PIGZ: variants seen among roughly 807,000 people sequenced by gnomAD.
PIGZ encodes GPI alpha-1,2-mannosyltransferase 4.
A neutral mutation model predicts 16.4 loss-of-function variants in PIGZ; 16 were observed. The ratio of observed to expected loss-of-function variants is 0.97; its 90% CI spans 0.66 to 1.48. PIGZ has a LOEUF of 1.48. Among genes scored for constraint, PIGZ ranks in the 40% most tolerant of loss-of-function variants. PIGZ has a pLI of 0.00. For missense variants in PIGZ, 770 were observed against 739.2 expected, an observed-to-expected ratio of 1.04 and a Z score of -0.48; for synonymous variants, 409 against 338.4, an observed-to-expected ratio of 1.21 and a Z score of -2.29.
At chr3:196,948,880 C>G (rs1560180731) in intron 2 of PIGZ, among the ~76,000 whole-genome samples, 195 bp from the exon 3 acceptor site, 1 of 45,260 alleles carries the variant, frequency 2.2e-5, no homozygotes, top group Non-Finnish European at 4.0e-5. Flanking sequence ...TCCTTCCTTC[C>G]CTTCCTTCCC....
chr3:196,964,409 G>A (rs1425829434), intron 1 of PIGZ, among the ~76,000 whole-genome samples: 1 of 149,808 alleles, frequency 6.7e-6, no homozygotes, highest in African/African-American at 2.5e-5. Flanking sequence ...CCTAGGCTAG[G>A]TGCAGTGGCA....
chr3:196,952,701 C>T (rs545382391), intron 1 of PIGZ, among the ~76,000 whole-genome samples: 2 of 152,140 alleles, frequency 1.3e-5, no homozygotes, highest in Non-Finnish European at 2.9e-5. Context: ...CTCCCAAACT[C>T]CTGGGATTAC....
Position 196,947,463 on chromosome 3 carries a change from C to G in PIGZ, c.1434G>C (p.Leu478=). 1.2e-6 allele frequency: 2 copies of G among 1,613,656 alleles called. No individual in the cohort carries two copies. Among genetic ancestry groups the G allele is most frequent in the Non-Finnish European group, 1.7e-6 (2 of 1,179,988 alleles). ...PPRHLLHLPG[L]GAPVEVVDMG... ...TGTCCACCACCTCCACTGGTGCCCC[C>G]AGGCCTGGGAGGTGTAGGAGGTGCC... Residue 478 remains leucine, a synonymous_variant, in exon 3 of 3, where the codon CTG becomes CTC. Coordinates refer to ENST00000412723, the MANE Select transcript of PIGZ (RefSeq NM_025163.4).
chr3:196,964,094 A>T (rs997459726), intron 1 of PIGZ, among the ~76,000 whole-genome samples: 38 of 151,916 alleles, frequency 2.5e-4, no homozygotes, highest in Non-Finnish European at 4.1e-4. Context: ...TCTGTCGCCC[A>T]GGCTGGAGTG....
rs1717061188 is a variant in PIGZ at position 196,948,692 on chromosome 3, A to G, written c.212-7T>C. 6.9e-7 allele frequency: 1 copy of G among 1,444,566 alleles called. No individual in the cohort carries two copies. Among genetic ancestry groups the G allele is most frequent in the Admixed American group, 2.8e-5 (1 of 35,260 alleles). The allele number at this position is 1,444,566 out of a possible 1,614,324, so 89.5% of individuals were successfully genotyped here. On this transcript the variant is annotated splice_polypyrimidine_tract_variant and splice_region_variant and intron_variant, in intron 2 of 2. Transcript: ENST00000412723. Reference sequence around the variant, plus strand: ...TGAACGCCCAGGATGTCCTCTGCAGAGAGAGGCAGAGGTGAGCCAGTACCA... The same window carrying G: ...TGAACGCCCAGGATGTCCTCTGCAGGGAGAGGCAGAGGTGAGCCAGTACCA...
At chr3:196,950,745 T>C (rs1490615170) in intron 2 of PIGZ, among the ~76,000 whole-genome samples, 1 of 66,180 alleles carries the variant, frequency 1.5e-5, no homozygotes, top group Non-Finnish European at 2.9e-5. Context: ...TTCATTAGAC[T>C]TTTTTTTTTC....
chr3:196,963,740 T>G (rs1363303690), intron 1 of PIGZ, among the ~76,000 whole-genome samples: 2 of 152,220 alleles, frequency 1.3e-5, no homozygotes, highest in Non-Finnish European at 2.9e-5. Flanking sequence ...AGGCAGAGGA[T>G]CAGCTAGCTG....
chr3:196,964,137 A>G (rs1450935375), intron 1 of PIGZ, among the ~76,000 whole-genome samples: 4 of 151,336 alleles, frequency 2.6e-5, no homozygotes, highest in Admixed American at 2.6e-4. Flanking sequence ...TGCAAGCTCC[A>G]CCTCCCGGGT....
intron 1 of PIGZ, among the ~76,000 whole-genome samples, chr3:196,954,188 G>C (rs1300627678): frequency 6.6e-6 from 1 of 152,166 alleles, no homozygotes. Context: ...GGGTGGCTAA[G>C]GCATGAGAAT....
At position 196,948,017 on chromosome 3, in the gene PIGZ, C is replaced by T. The variant is rs570924159; in HGVS notation, c.880G>A (p.Val294Ile). ...ATSRNLVLTP[V>I]NFLHYNLNPQ... Reference sequence around the variant, plus strand: ...TTCAGGTTGTAGTGCAAGAAGTTGACAGGTGTCAGGACAAGGTTCCTGGAT... The same window carrying T: ...TTCAGGTTGTAGTGCAAGAAGTTGATAGGTGTCAGGACAAGGTTCCTGGAT... The change falls in exon 3 of 3, where the codon GTC becomes ATC. Residue 294 changes from valine to isoleucine, a missense_variant. Transcript: ENST00000412723. 2.5e-6 allele frequency: 4 copies of T among 1,595,012 alleles called. No homozygotes were observed. In the Middle Eastern group the frequency reaches 5.0e-4, roughly 200 times the overall value.
Position 196,948,309 on chromosome 3 carries a change from T to G in PIGZ, c.588A>C (p.Val196=). ...TWLLVLVSSH[V]TWGPTRKEPA... ...GCTCCTTGCGTGTAGGGCCCCACGT[T>G]ACATGGGAGGATACCAGCACCAGCA... is the stretch of plus-strand genomic sequence containing the variant. The change falls in exon 3 of 3, where the codon GTA becomes GTC. Residue 196 remains valine, a synonymous_variant. Transcript: ENST00000412723. 6.2e-7 allele frequency: 1 copy of G among 1,614,100 alleles called. No homozygotes were observed. Among genetic ancestry groups the G allele is most frequent in the Non-Finnish European group, 8.5e-7 (1 of 1,180,010 alleles).
At chr3:196,961,823 G>A (rs1437059007) in intron 1 of PIGZ, among the ~76,000 whole-genome samples, 1 of 152,156 alleles carries the variant, frequency 6.6e-6, no homozygotes, top group Non-Finnish European at 1.5e-5. Context: ...TAATTTTAAA[G>A]TGTACAATTC....
In PIGZ at chr3:196,965,511, T is replaced by G. The variant is rs769645242; in HGVS notation, c.-1+3176A>C. Among the ~76,000 whole-genome samples the G allele has an allele frequency of 6.6e-6, 1 of 152,204 alleles. No homozygotes were observed. The highest frequency in any genetic ancestry group is 1.5e-5 in the Non-Finnish European group (1 of 68,034). ...ACCATGTCATACCATTTGCCCAATT[T>G]AGTCCAGAATCCCACGGGCTATCTC... is the stretch of plus-strand genomic sequence containing the variant. On this transcript the variant is annotated intron_variant, in intron 1 of 2. Coordinates refer to ENST00000412723, the MANE Select transcript of PIGZ (RefSeq NM_025163.4). The surrounding 1 kb of genome is among the most constrained non-coding windows in gnomAD (Gnocchi z 4.2).
At chr3:196,956,947 G>T (rs770782348) in intron 1 of PIGZ, among the ~76,000 whole-genome samples, 1 of 152,114 alleles carries the variant, frequency 6.6e-6, no homozygotes, top group Non-Finnish European at 1.5e-5. Flanking sequence ...TCTTGTTTCT[G>T]CTGGATCTCA....
intron 1 of PIGZ, among the ~76,000 whole-genome samples, chr3:196,955,564 T>TTTTC (rs1353120537): frequency 9.1e-6 from 1 of 109,928 alleles, no homozygotes; most frequent in Non-Finnish European, 1.8e-5. Flanking sequence ...TTTTCTTTTC[T>TTTTC]TTTCTTTCTT....
chr3:196,947,604 A>T lies in PIGZ; in HGVS notation c.1293T>A (p.His431Gln), dbSNP rs376778737. The T allele has an allele frequency of 6.2e-7, 1 of 1,613,688 alleles. No homozygotes were observed. The highest frequency in any genetic ancestry group is 8.5e-7 in the Non-Finnish European group (1 of 1,179,798). ...ALGALLFGCL[H>Q]QGGLVPGLEY... ...CCAGGCCAGGCACCAGGCCCCCCTGATGCAGGCAGCCGAAGAGGAGGGCAC... is the reference window on the plus strand; with the variant it reads ...CCAGGCCAGGCACCAGGCCCCCCTGTTGCAGGCAGCCGAAGAGGAGGGCAC... Residue 431 changes from histidine to glutamine, a missense_variant, in exon 3 of 3, where the codon CAT (histidine) becomes CAA (glutamine). Physicochemically the swap from His to Gln is conservative, Grantham distance 24. Transcript: ENST00000412723.
chr3:196,951,089 T>C (rs560037202), intron 2 of PIGZ, among the ~76,000 whole-genome samples: 9 of 152,332 alleles, frequency 5.9e-5, no homozygotes, highest in Admixed American at 3.9e-4. Context: ...ATAAAGACTA[T>C]AATTTTTAGC....
Position 196,947,852 on chromosome 3 carries a change from C to T in PIGZ, c.1045G>A (p.Ala349Thr), listed in dbSNP as rs758174665. 2.5e-6 allele frequency: 4 copies of T among 1,613,376 alleles called. No homozygotes were observed. The highest frequency in any genetic ancestry group is 1.7e-5 in the Admixed American group (1 of 59,958). The change falls in exon 3 of 3, where the codon GCA (alanine) becomes ACA (threonine). Residue 349 changes from alanine to threonine, a missense_variant. Ala to Thr is a moderately conservative substitution (Grantham distance 58). Transcript: ENST00000412723. ...QRLQVGLQAS[A>T]QMGLLRALGA... is the part of the protein sequence containing the mutation. ...AGTGCCCTCAGGAGGCCCATTTGTG[C>T]AGAGGCCTGGAGGCCGACTTGCAGC... is the stretch of plus-strand genomic sequence containing the variant.
At chr3:196,950,473 T>C (rs981470801) in intron 2 of PIGZ, among the ~76,000 whole-genome samples, 4 of 152,210 alleles carry the variant, frequency 2.6e-5, no homozygotes, top group African/African-American at 9.6e-5. Context: ...CTGCTGGCTG[T>C]TTCGAGCTGA....
Sources: allele counts gnomAD v4.1 joint callset (sites outside exome capture counted in the v4.1 genomes callset), GRCh38; gene constraint gnomAD v4.1.1; non-coding constraint Gnocchi (gnomAD v3.1); transcripts MANE v1.5; gene names NCBI Gene and HGNC (gene_info 2026-07-23, HGNC 2026-07-21).